Variants in TTC28 observed in about 807,000 individuals in gnomAD.
The protein encoded by TTC28 is tetratricopeptide repeat protein 28.
In TTC28, 61 loss-of-function variants were observed where a neutral mutation model predicts 198.0. The observed-to-expected ratio is 0.31, with a 90% CI of 0.25 to 0.38. The LOEUF (loss-of-function observed/expected upper bound fraction) is 0.38. Ranked by LOEUF, TTC28 falls within the 10% of genes least tolerant of loss-of-function variation. The pLI, the probability that TTC28 is intolerant of heterozygous loss-of-function variation, is 1.00. For synonymous variants in TTC28, 1,171 were observed against 1,297.8 expected (o/e 0.90, Z 2.10); for missense variants, 2,678 against 3,164.0 (o/e 0.85, Z 3.69).
At chr22:28,347,017 C>A (rs898041574) in intron 2 of TTC28, among the ~76,000 whole-genome samples, 1 of 152,152 alleles carries the variant, frequency 6.6e-6, no homozygotes, top group Non-Finnish European at 1.5e-5. Context: ...AATCCCAACA[C>A]TTTGGGAGGC....
chr22:28,072,695 C>A (rs1038393754), intron 12 of TTC28, among the ~76,000 whole-genome samples: 9 of 152,066 alleles, frequency 5.9e-5, no homozygotes, highest in African/African-American at 2.2e-4. Flanking sequence ...GATGCCCCAG[C>A]GAATATAACT....
intron 2 of TTC28, among the ~76,000 whole-genome samples, chr22:28,328,474 C>A (rs985787464): frequency 6.6e-6 from 1 of 151,836 alleles, no homozygotes; most frequent in African/African-American, 2.4e-5. Flanking sequence ...ATAAATAGGG[C>A]CAGGCGTGAT....
At chr22:28,652,321 G>A (rs1158196375) in intron 1 of TTC28, among the ~76,000 whole-genome samples, 1 of 152,208 alleles carries the variant, frequency 6.6e-6, no homozygotes, top group Non-Finnish European at 1.5e-5. Context: ...AACCTAGGAA[G>A]CAGTGATCTG....
At chr22:28,471,098 C>A (rs2048091546) in intron 2 of TTC28, among the ~76,000 whole-genome samples, 1 of 152,194 alleles carries the variant, frequency 6.6e-6, no homozygotes, top group Non-Finnish European at 1.5e-5. Flanking sequence ...TGAGCAGGTT[C>A]ACCAATACTT....
At chr22:28,679,394 TACACACCCTC>T (rs2052054377) in intron 1 of TTC28, among the ~76,000 whole-genome samples, 1 of 151,798 alleles carries the variant, frequency 6.6e-6, no homozygotes, top group African/African-American at 2.4e-5. Context: ...CCAACACCCA[TACACACCCTC>T]ACACACCCAC....
intron 2 of TTC28, among the ~76,000 whole-genome samples, chr22:28,461,819 T>C (rs1189337166): frequency 1.3e-5 from 2 of 152,156 alleles, no homozygotes; most frequent in Non-Finnish European, 2.9e-5. Flanking sequence ...CCTTACTCCA[T>C]ACATTGTGCT....
chr22:28,636,125 G>T (rs2051265820), intron 1 of TTC28, among the ~76,000 whole-genome samples: 1 of 75,408 alleles, frequency 1.3e-5, no homozygotes, highest in Non-Finnish European at 2.7e-5. Flanking sequence ...GCAAATGTCA[G>T]GATTTTTTTT....
chr22:28,565,052 T>A (rs1235025595), intron 2 of TTC28, among the ~76,000 whole-genome samples: 1 of 151,878 alleles, frequency 6.6e-6, no homozygotes, highest in Non-Finnish European at 1.5e-5. Context: ...GGAATATGAC[T>A]GCCTGCCAAA....
chr22:28,135,786 C>T (rs1474207097), intron 6 of TTC28, among the ~76,000 whole-genome samples: 2 of 152,014 alleles, frequency 1.3e-5, no homozygotes, highest in African/African-American at 4.8e-5. Flanking sequence ...TTTTCTCTTA[C>T]CACTGTAATT....
At chr22:28,630,089 C>CT (rs1569071264) in intron 1 of TTC28, among the ~76,000 whole-genome samples, 1 of 151,468 alleles carries the variant, frequency 6.6e-6, no homozygotes, top group Non-Finnish European at 1.5e-5. Flanking sequence ...GCCACTAGCC[C>CT]CTCTCTCTCT....
intron 2 of TTC28, among the ~76,000 whole-genome samples, chr22:28,430,642 C>G (rs2047416730): frequency 6.6e-6 from 1 of 152,154 alleles, no homozygotes; most frequent in Non-Finnish European, 1.5e-5. Context: ...ATGTAAACAG[C>G]TGCTGTAGTA....
chr22:28,150,046 GA>G, intron 6 of TTC28, among the ~76,000 whole-genome samples: 1 of 152,076 alleles, frequency 6.6e-6, no homozygotes, highest in South Asian at 2.1e-4. Flanking sequence ...AAAGGAAAAA[GA>G]AAAAAGAAAG....
At chr22:28,026,954 C>T (rs1010870903) in intron 13 of TTC28, among the ~76,000 whole-genome samples, 2 of 152,196 alleles carry the variant, frequency 1.3e-5, no homozygotes, top group Non-Finnish European at 2.9e-5. Context: ...GTGCACCTTA[C>T]TTAATACCAA....
At chr22:28,144,341 A>G (rs921639642) in intron 6 of TTC28, among the ~76,000 whole-genome samples, 8 of 152,234 alleles carry the variant, frequency 5.3e-5, no homozygotes, top group Non-Finnish European at 8.8e-5. Flanking sequence ...CAGGAAGCCA[A>G]CCATGGCTTT....
rs1382012987 is a variant in TTC28, at chr22:28,163,392, G to C, written c.1141C>G (p.Leu381Val). 1 of 1,552,006 alleles carries C rather than the reference G, an allele frequency of 6.4e-7. No homozygotes were observed. The highest frequency in any genetic ancestry group is 8.7e-7 in the Non-Finnish European group (1 of 1,147,046). Residue 381 changes from leucine (L) to valine (V), a missense_variant, in exon 6 of 23, where the codon CTG (leucine) becomes GTG (valine). This residue lies in a region of TTC28 where 775 missense variants were observed against 845.9 expected (regional missense o/e 0.92). Coordinates refer to ENST00000397906, the MANE Select transcript of TTC28 (RefSeq NM_001145418.2). ...TTCCCCAGGTCCTTGGCTATCTTCAGATGCTGCTCATGGCACTGCACAGCA... is the reference window on the plus strand; with the variant it reads ...TTCCCCAGGTCCTTGGCTATCTTCACATGCTGCTCATGGCACTGCACAGCA... ...ENAVQCHEQH[L>V]KIAKDLGNKR...
chr22:28,471,091 G>A (rs1194936275), intron 2 of TTC28, among the ~76,000 whole-genome samples: 1 of 152,192 alleles, frequency 6.6e-6, no homozygotes, highest in Non-Finnish European at 1.5e-5. Context: ...TGAAAAATGA[G>A]CAGGTTCACC....
chr22:28,537,321 A>ATAACATAACATAACATAACAGAAC (rs2049310289), intron 2 of TTC28, among the ~76,000 whole-genome samples: 1 of 133,938 alleles, frequency 7.5e-6, no homozygotes, highest in Admixed American at 7.6e-5. Context: ...AATAAAATAA[A>ATAACATAACATAACATAACAGAAC]ATAAAATAAA....
At chr22:28,458,393 A>G (rs1328056360) in intron 2 of TTC28, among the ~76,000 whole-genome samples, 1 of 152,090 alleles carries the variant, frequency 6.6e-6, no homozygotes, top group Admixed American at 6.6e-5. Context: ...TCTACAAACC[A>G]CTCTGAAATG....
intron 2 of TTC28, among the ~76,000 whole-genome samples, chr22:28,578,475 G>A (rs949511355): frequency 6.6e-6 from 1 of 151,980 alleles, no homozygotes; most frequent in African/African-American, 2.4e-5. Flanking sequence ...CTAAAGGAGG[G>A]AGCAAGATGG....
Sources: gnomAD v4.1 joint callset for allele counts (sites outside exome capture counted in the v4.1 genomes callset) on GRCh38, gnomAD v4.1.1 for gene constraint, gnomAD v4.1.1 regional missense constraint, MANE v1.5 for transcripts, NCBI Gene and HGNC (gene_info 2026-07-23, HGNC 2026-07-21) for gene names.